The following USH2A variants were observed in gnomAD, a reference collection of about 807,000 sequenced individuals.
USH2A encodes Usher syndrome 2A (autosomal recessive, mild).
USH2A carries 443 observed loss-of-function variants against 538.9 expected under a neutral mutation model. The ratio of observed to expected loss-of-function variants is 0.82; its 90% CI spans 0.76 to 0.89. The LOEUF (loss-of-function observed/expected upper bound fraction) is 0.89, where lower values mean the gene tolerates loss of function less well. USH2A is among the 40% of genes least tolerant of loss of function. USH2A has a pLI of 0.00. For synonymous variants in USH2A, 2,413 were observed against 2,273.5 expected, an observed-to-expected ratio of 1.06 and a Z score of -1.75; for missense variants, 6,633 against 6,324.8, an observed-to-expected ratio of 1.05 and a Z score of -1.65.
At chr1:216,008,260 G>T (rs958760204) in intron 32 of USH2A, among the ~76,000 whole-genome samples, 1 of 151,800 alleles carries the variant, frequency 6.6e-6, no homozygotes, top group Non-Finnish European at 1.5e-5. Flanking sequence ...AGTGAAAATG[G>T]CCTGTTCCTG....
chr1:216,059,738 G>T (rs1392800569), intron 30 of USH2A, among the ~76,000 whole-genome samples: 6 of 152,076 alleles, frequency 3.9e-5, no homozygotes, highest in Non-Finnish European at 8.8e-5. Context: ...TCTTGTAATT[G>T]AGAATTGGGT....
chr1:215,882,407 A>G (rs1351127569), intron 41 of USH2A, among the ~76,000 whole-genome samples: 1 of 148,528 alleles, frequency 6.7e-6, no homozygotes, highest in African/African-American at 2.5e-5. Flanking sequence ...CAAGATGTGC[A>G]ATAAATATTT....
At chr1:215,659,272 G>C (rs1417383773) in intron 64 of USH2A, among the ~76,000 whole-genome samples, 1 of 152,198 alleles carries the variant, frequency 6.6e-6, no homozygotes, top group East Asian at 1.9e-4. Context: ...GAAGATCTGA[G>C]GGAAGAGCAT....
chr1:215,639,910 C>T (rs907171211), intron 68 of USH2A, among the ~76,000 whole-genome samples: 7 of 152,192 alleles, frequency 4.6e-5, no homozygotes, highest in African/African-American at 1.7e-4. Flanking sequence ...AAATAAAATA[C>T]TCATTAATCA....
At chr1:215,675,755 G>A (rs1192058358) in intron 62 of USH2A, 139 bp from the exon 63 acceptor site, 3 of 1,497,734 alleles carry the variant, frequency 2.0e-6, no homozygotes, top group East Asian at 2.4e-5. Flanking sequence ...GATATTAATT[G>A]GGGATATGTG....
intron 58 of USH2A, among the ~76,000 whole-genome samples, chr1:215,748,406 T>G (rs1208252123): frequency 1.3e-5 from 2 of 152,156 alleles, no homozygotes; most frequent in Admixed American, 6.5e-5. Flanking sequence ...TCCCAAATGA[T>G]AAGTTGTATA....
intron 62 of USH2A, among the ~76,000 whole-genome samples, chr1:215,676,061 C>T (rs1296885974): frequency 2.6e-5 from 4 of 152,068 alleles, no homozygotes; most frequent in Non-Finnish European, 5.9e-5. Context: ...AATTACAACG[C>T]TTAATCATTT....
At chr1:216,210,224 G>C (rs927680967) in intron 15 of USH2A, among the ~76,000 whole-genome samples, 2 of 150,780 alleles carry the variant, frequency 1.3e-5, no homozygotes, top group African/African-American at 5.0e-5. Flanking sequence ...AAAGAATGAG[G>C]GTCGTGATCA....
chr1:215,623,196 T>TAAC lies in USH2A; in HGVS notation c.*2582_*2584dup, dbSNP rs780513116. ...CTTACCAAACAGTTGATATTAAGAA[T>TAAC]AACAAAACATGGTAGTTCGTAAGCT... is the stretch of plus-strand genomic sequence containing the variant. On this transcript the variant is annotated 3_prime_UTR_variant, in exon 72 of 72. Transcript: ENST00000307340. The TAAC allele has an allele frequency of 7.2e-5, 11 of 152,074 alleles. No individual in the cohort carries two copies. Among genetic ancestry groups the TAAC allele is most frequent in the Non-Finnish European group, 1.6e-4 (11 of 67,980 alleles). The allele number at this position is 152,074 out of a possible 1,614,324, so 9.4% of individuals were successfully genotyped here.
intron 14 of USH2A, among the ~76,000 whole-genome samples, chr1:216,225,108 A>AT (rs1338419258): frequency 6.6e-6 from 1 of 152,036 alleles, no homozygotes; most frequent in East Asian, 1.9e-4. Flanking sequence ...TTACATGTGA[A>AT]TTTTTTCCTT....
chr1:215,950,612 T>C (rs1666889249), intron 37 of USH2A, among the ~76,000 whole-genome samples: 1 of 151,570 alleles, frequency 6.6e-6, no homozygotes, highest in Non-Finnish European at 1.5e-5. Flanking sequence ...GTTCAATCAA[T>C]TCTCTGCCTC....
chr1:216,370,132 G>T (rs1292851111), intron 3 of USH2A, among the ~76,000 whole-genome samples: 1 of 151,978 alleles, frequency 6.6e-6, no homozygotes, highest in Non-Finnish European at 1.5e-5. Context: ...GCCGAGGTGG[G>T]CGGATCACTT....
intron 9 of USH2A, 116 bp from the exon 10 acceptor site, chr1:216,292,486 G>T: frequency 9.1e-7 from 1 of 1,096,954 alleles, no homozygotes; most frequent in Non-Finnish European, 1.3e-6. Flanking sequence ...TTAAAAGTCA[G>T]CAATGATTTT....
chr1:216,273,408 G>A (rs2036611394), intron 11 of USH2A, among the ~76,000 whole-genome samples: 1 of 151,984 alleles, frequency 6.6e-6, no homozygotes, highest in African/African-American at 2.4e-5. Flanking sequence ...GAGAGTGGAT[G>A]GGTAAGGGTG....
In USH2A at chr1:215,747,961, G is replaced by A. The variant is rs534602272; in HGVS notation, c.11390-4626C>T. The stretch of plus-strand genomic sequence containing the variant: ...CTGCGGACTGCAGTGGCGCAATCTC[G>A]GCTCACTGCAAGCTCCGCCTCCCGG... On this transcript the variant is annotated intron_variant, in intron 58 of 71. Transcript: ENST00000307340. Among the ~76,000 whole-genome samples, 19 of 149,918 alleles carry A rather than the reference G, an allele frequency of 1.3e-4. No homozygotes were observed. In the South Asian group the frequency reaches 3.8e-3, roughly 30 times the overall value.
intron 38 of USH2A, among the ~76,000 whole-genome samples, chr1:215,902,361 T>C (rs1258399212): frequency 1.3e-5 from 2 of 152,196 alleles, no homozygotes; most frequent in Non-Finnish European, 2.9e-5. Flanking sequence ...GTTTCATCAA[T>C]CTGCTGTAAT....
In USH2A at chr1:216,418,652, C is replaced by T. The variant is rs2102784068; in HGVS notation, c.513G>A (p.Gly171=). The change falls in exon 3 of 72, where the codon GGG becomes GGA. Residue 171 remains glycine, a synonymous_variant. Transcript: ENST00000307340. The stretch of plus-strand genomic sequence containing the variant: ...ATATTGTAAGTTTGAACACAATCTG[C>T]CCATCTACTGTCTTTTCTATAACAC... ...VMCVIEKTVD[G]QIVFKLTISE... 1.2e-6 allele frequency: 2 copies of T among 1,613,124 alleles called. No homozygotes were observed. Among genetic ancestry groups the T allele is most frequent in the Non-Finnish European group, 1.7e-6 (2 of 1,179,474 alleles).
At chr1:216,415,522 T>C (rs1053245065) in intron 3 of USH2A, among the ~76,000 whole-genome samples, 96 of 147,920 alleles carry the variant, frequency 6.5e-4, no homozygotes, top group African/African-American at 2.1e-3. Flanking sequence ...TTTTTTTTTT[T>C]TTTTTTTTTT....
Position 215,674,091 on chromosome 1 carries a change from G to T in USH2A, c.13811+9C>A, listed in dbSNP as rs1328258433. The T allele has an allele frequency of 2.5e-6, 4 of 1,613,848 alleles. No homozygotes were observed. Among genetic ancestry groups the T allele is most frequent in the Non-Finnish European group, 3.4e-6 (4 of 1,179,984 alleles). On this transcript the variant is annotated intron_variant, in intron 63 of 71. Transcript: ENST00000307340. Reference sequence around the variant, plus strand: ...CTTACTCTCAGAAAACCGAGACATGGCTACCTACCTGTGAAATGGCTTCAG... The same window carrying T: ...CTTACTCTCAGAAAACCGAGACATGTCTACCTACCTGTGAAATGGCTTCAG...
Sources: gnomAD v4.1 joint callset for allele counts (sites outside exome capture counted in the v4.1 genomes callset) on GRCh38, gnomAD v4.1.1 for gene constraint, MANE v1.5 for transcripts, NCBI Gene and HGNC (gene_info 2026-07-23, HGNC 2026-07-21) for gene names.